Variants in TRAF6 observed in about 807,000 individuals in gnomAD.
TRAF6 encodes the protein TNF receptor associated factor 6, also known as TNF receptor-associated factor 6.
Under a neutral mutation model 48.4 loss-of-function variants are expected in TRAF6, and 10 were observed. The observed-to-expected ratio is 0.21, with a 90% CI of 0.13 to 0.35. The LOEUF (loss-of-function observed/expected upper bound fraction) is 0.35, where lower values mean the gene tolerates loss of function less well. Among genes scored for constraint, TRAF6 ranks in the 10% least tolerant of loss-of-function variants. TRAF6 has a pLI of 1.00. For missense variants in TRAF6, 397 were observed against 661.0 expected (o/e 0.60, Z 4.38); for synonymous variants, 186 against 219.6 (o/e 0.85, Z 1.35).
intron 1 of TRAF6, among the ~76,000 whole-genome samples, chr11:36,507,760 AC>A (rs1859824396): frequency 7.0e-6 from 1 of 142,406 alleles, no homozygotes; most frequent in African/African-American, 2.5e-5. Context: ...CATGTATTAT[AC>A]ATATAAACAT....
intron 5 of TRAF6, among the ~76,000 whole-genome samples, chr11:36,494,487 GA>G (rs1859603432): frequency 6.6e-6 from 1 of 152,152 alleles, no homozygotes; most frequent in Non-Finnish European, 1.5e-5. Context: ...CTAAAAATCT[GA>G]AAACTTCCCT....
rs140894183 is a variant in TRAF6, at chr11:36,491,701, C to T, written c.756+850G>A. On this transcript the variant is annotated intron_variant, in intron 6 of 6. Transcript: ENST00000526995. ...TCATCTGTTTCTTATACTGTTTGTT[C>T]ATGGCTCTTTTCCTTGGCATACTTC... 1.6e-4 allele frequency among the ~76,000 whole-genome samples: 25 copies of T among 152,288 alleles called. No homozygotes were observed. In the East Asian group the frequency reaches 3.7e-3, roughly 22 times the overall value.
At chr11:36,492,492 CAT>C (rs543384760) in intron 6 of TRAF6, 57 bp downstream of exon 6, 3 of 1,309,216 alleles carry the variant, frequency 2.3e-6, no homozygotes, top group Admixed American at 3.9e-5. Context: ...TTCTCCACTA[CAT>C]GATGTAAATA....
intron 6 of TRAF6, among the ~76,000 whole-genome samples, chr11:36,491,147 A>G (rs1288318902): frequency 9.9e-6 from 1 of 101,462 alleles, no homozygotes; most frequent in East Asian, 2.4e-4. Context: ...GTTAATATTA[A>G]TACCATTTTT....
chr11:36,504,796 C>G (rs1859763157), intron 1 of TRAF6, among the ~76,000 whole-genome samples: 1 of 152,194 alleles, frequency 6.6e-6, no homozygotes, highest in Admixed American at 6.5e-5. Flanking sequence ...ACTTGGAAGT[C>G]TAAATGACTC....
rs1859531806 is a variant in TRAF6 at position 36,489,491 on chromosome 11, A to G, written c.*347T>C. 1 of 220,174 alleles carries G rather than the reference A, an allele frequency of 4.5e-6. No individual in the cohort carries two copies. 13.6% of individuals were successfully genotyped at this position (220,174 alleles called of 1,614,324 possible). On this transcript the variant is annotated 3_prime_UTR_variant, in exon 7 of 7. Transcript: ENST00000526995. The stretch of plus-strand genomic sequence containing the variant: ...TTTTAAGGAAAATCCATTATTATTA[A>G]AAGTTTAGTACTCTTGAGTCTGGAC...
chr11:36,495,281 A>T (rs569291707), intron 4 of TRAF6, among the ~76,000 whole-genome samples: 2 of 152,330 alleles, frequency 1.3e-5, no homozygotes, highest in African/African-American at 4.8e-5. Flanking sequence ...GGTAGTATAT[A>T]AAAAATAATT....
In TRAF6 at chr11:36,486,005, T is replaced by C. The variant is rs1249020411; in HGVS notation, c.*3833A>G. On this transcript the variant is annotated 3_prime_UTR_variant, in exon 7 of 7. Coordinates refer to ENST00000526995, the MANE Select transcript of TRAF6 (RefSeq NM_004620.4). ...CCTTAAGGCATTGCACTGTTTAGGT[T>C]GTAAGCAACTAGGCATCACAAACAG... Among the ~76,000 whole-genome samples, 1 of 152,150 alleles carries C rather than the reference T, an allele frequency of 6.6e-6. No individual in the cohort carries two copies. Among genetic ancestry groups the C allele is most frequent in the African/African-American group, 2.4e-5 (1 of 41,402 alleles).
At chr11:36,509,352 A>G (rs1859865444) in intron 1 of TRAF6, among the ~76,000 whole-genome samples, 1 of 151,858 alleles carries the variant, frequency 6.6e-6, no homozygotes, top group African/African-American at 2.4e-5. Context: ...AGCTTTATCA[A>G]CCCGGCGTCT....
In TRAF6 at chr11:36,490,395, C is replaced by T. The variant is rs1354747764; in HGVS notation, c.1012G>A (p.Glu338Lys). ...GCTTCGATTTCAGCAACTTTGTCCTCAAGGGTTCGAATGGTTCGTTTGAGC... is the reference window on the plus strand; with the variant it reads ...GCTTCGATTTCAGCAACTTTGTCCTTAAGGGTTCGAATGGTTCGTTTGAGC... ...SELKRTIRTL[E>K]DKVAEIEAQQ... The change falls in exon 7 of 7, where the codon GAG (glutamate) becomes AAG (lysine). Residue 338 changes from glutamate to lysine, a missense_variant. Glu to Lys is a moderately conservative substitution (Grantham distance 56). Coordinates refer to ENST00000526995, the MANE Select transcript of TRAF6 (RefSeq NM_004620.4). The surrounding 1 kb of genome is among the most constrained non-coding windows in gnomAD (Gnocchi z 6.4). 39 of 1,614,060 alleles carry T rather than the reference C, an allele frequency of 2.4e-5. No homozygotes were observed. The highest frequency in any genetic ancestry group is 3.0e-5 in the Non-Finnish European group (35 of 1,180,052).
At position 36,486,544 on chromosome 11, in the gene TRAF6, C is replaced by A. The variant is rs764530333; in HGVS notation, c.*3294G>T. 3.9e-5 allele frequency among the ~76,000 whole-genome samples: 6 copies of A among 152,058 alleles called. No homozygotes were observed. Among genetic ancestry groups the A allele is most frequent in the South Asian group, 4.1e-4 (2 of 4,834 alleles). On this transcript the variant is annotated 3_prime_UTR_variant, in exon 7 of 7. Transcript: ENST00000526995. Reference sequence around the variant, plus strand: ...GTGACCTGTATAATTTTATATGGGTCACAATAATTAACTGCTAGAGATCGT... The same window carrying A: ...GTGACCTGTATAATTTTATATGGGTAACAATAATTAACTGCTAGAGATCGT...
rs1189563006 is a variant in TRAF6, at chr11:36,487,097, A to G, written c.*2741T>C. On this transcript the variant is annotated 3_prime_UTR_variant, in exon 7 of 7. Coordinates refer to ENST00000526995, the MANE Select transcript of TRAF6 (RefSeq NM_004620.4). Reference sequence around the variant, plus strand: ...CAGGGTGAGACTGTCTCAAAACAAAAAACAAAACAAAACAACCTTTAGTTG... The same window carrying G: ...CAGGGTGAGACTGTCTCAAAACAAAGAACAAAACAAAACAACCTTTAGTTG... The G allele has an allele frequency of 6.6e-6, 1 of 152,228 alleles. No individual in the cohort carries two copies. The highest frequency in any genetic ancestry group is 1.5e-5 in the Non-Finnish European group (1 of 68,054). 9.4% of individuals were successfully genotyped at this position (152,228 alleles called of 1,614,324 possible).
chr11:36,484,451 T>C lies in TRAF6; in HGVS notation c.*5387A>G, dbSNP rs1191016302. ...TTGTGATAAGACCACTGGATGTCTT[T>C]CAATTTTCAAAAGTCAGATTTCATT... On this transcript the variant is annotated 3_prime_UTR_variant, in exon 7 of 7. Transcript: ENST00000526995. Among the ~76,000 whole-genome samples, 2 of 152,202 alleles carry C rather than the reference T, an allele frequency of 1.3e-5. No individual in the cohort carries two copies. The highest frequency in any genetic ancestry group is 2.9e-5 in the Non-Finnish European group (2 of 68,036).
chr11:36,492,908 T>C (rs1334790720), intron 5 of TRAF6, among the ~76,000 whole-genome samples: 1 of 152,212 alleles, frequency 6.6e-6, no homozygotes, highest in Non-Finnish European at 1.5e-5. Flanking sequence ...CACCCTCTAG[T>C]GGCACTTTAC....
Position 36,509,535 on chromosome 11 carries a change from T to C in TRAF6, c.-23+513A>G, listed in dbSNP as rs576515726. 5.8e-4 allele frequency among the ~76,000 whole-genome samples: 88 copies of C among 152,138 alleles called. 1 individual carries two copies. Among genetic ancestry groups the C allele is most frequent in the African/African-American group, 2.0e-3 (85 of 41,482 alleles). On this transcript the variant is annotated intron_variant, in intron 1 of 6. Transcript: ENST00000526995. ...CCGGAGTCGCCAGGAACGTAAAGGATTTTTTAAAAATTTAAGCAGGTGTTT... is the reference window on the plus strand; with the variant it reads ...CCGGAGTCGCCAGGAACGTAAAGGACTTTTTAAAAATTTAAGCAGGTGTTT...
chr11:36,489,810 T>A lies in TRAF6; in HGVS notation c.*28A>T, dbSNP rs1859537058. 4 of 1,587,398 alleles carry A rather than the reference T, an allele frequency of 2.5e-6. No homozygotes were observed. The highest frequency in any genetic ancestry group is 1.3e-5 in the African/African-American group (1 of 74,108). On this transcript the variant is annotated 3_prime_UTR_variant, in exon 7 of 7. Coordinates refer to ENST00000526995, the MANE Select transcript of TRAF6 (RefSeq NM_004620.4). Reference sequence around the variant, plus strand: ...AAGGAAAGGCACTGTTTTCTCCAGGTAGTTGTTTTTGAGCAAGTGAGGGCA... The same window carrying A: ...AAGGAAAGGCACTGTTTTCTCCAGGAAGTTGTTTTTGAGCAAGTGAGGGCA...
chr11:36,491,245 G>A (rs1859559601), intron 6 of TRAF6, among the ~76,000 whole-genome samples: 1 of 151,974 alleles, frequency 6.6e-6, no homozygotes. Context: ...CTGGCACCAT[G>A]CCATTCTAAG....
chr11:36,495,923 T>C (rs1315132204), intron 4 of TRAF6, among the ~76,000 whole-genome samples: 1 of 152,104 alleles, frequency 6.6e-6, no homozygotes. Flanking sequence ...GGAGTTGTCA[T>C]TTTACTCTAA....
chr11:36,491,312 TA>T (rs1408519341), intron 6 of TRAF6, among the ~76,000 whole-genome samples: 9 of 152,168 alleles, frequency 5.9e-5, no homozygotes, highest in African/African-American at 2.2e-4. Context: ...ATTTTTATTA[TA>T]AAAGGTCATA....
Sources: allele counts gnomAD v4.1 joint callset (sites outside exome capture counted in the v4.1 genomes callset), GRCh38; gene constraint gnomAD v4.1.1; non-coding constraint Gnocchi (gnomAD v3.1); transcripts MANE v1.5; gene names NCBI Gene and HGNC (gene_info 2026-07-23, HGNC 2026-07-21).